Variants in TSPAN13 observed in about 807,000 individuals in gnomAD.
The protein encoded by TSPAN13 is tetraspanin 13, also known as tetraspanin-13.
A neutral mutation model predicts 26.9 loss-of-function variants in TSPAN13; 18 were observed. That is an observed-to-expected ratio of 0.67 (90% CI 0.46 to 0.99). The LOEUF is 0.99. Among genes scored for constraint, TSPAN13 ranks in the 50% least tolerant of loss-of-function variants. The pLI is 0.00. For missense variants in TSPAN13, 201 were observed against 249.6 expected, an observed-to-expected ratio of 0.81 and a Z score of 1.31; for synonymous variants, 116 against 98.4, an observed-to-expected ratio of 1.18 and a Z score of -1.06.
Position 16,759,052 on chromosome 7 carries a change from G to A in TSPAN13, c.63+5022G>A, listed in dbSNP as rs112450440. Among the ~76,000 whole-genome samples the A allele has an allele frequency of 4.1e-3, 627 of 152,248 alleles. 2 individuals are homozygous for A. Among genetic ancestry groups the A allele is most frequent in the Non-Finnish European group, 7.1e-3 (480 of 68,026 alleles). On this transcript the variant is annotated intron_variant, in intron 1 of 5. Transcript: ENST00000262067. ...AGTAAGTAAATTATATATCGTATTA[G>A]AAGGTAAACAAGTTTTATGGAGAAA...
intron 1 of TSPAN13, among the ~76,000 whole-genome samples, chr7:16,756,933 G>A (rs534939850): frequency 1.3e-5 from 2 of 152,084 alleles, no homozygotes; most frequent in African/African-American, 4.8e-5. Flanking sequence ...TTTTATGAAG[G>A]CTCTTTTTTA....
At chr7:16,762,882 A>G (rs1038136509) in intron 1 of TSPAN13, among the ~76,000 whole-genome samples, 2 of 152,128 alleles carry the variant, frequency 1.3e-5, no homozygotes, top group African/African-American at 4.8e-5. Context: ...AAACAGATCT[A>G]TTGAAATATT....
At chr7:16,776,493 T>C in intron 2 of TSPAN13, 115 bp downstream of exon 2, 1 of 977,362 alleles carries the variant, frequency 1.0e-6, no homozygotes, top group Non-Finnish European at 1.5e-6. Context: ...GCAAGCCTTA[T>C]GCATATTTGT....
chr7:16,780,989 A>T (rs948625086), intron 5 of TSPAN13, among the ~76,000 whole-genome samples: 1 of 152,192 alleles, frequency 6.6e-6, no homozygotes, highest in African/African-American at 2.4e-5. Context: ...ATATTCACAG[A>T]ATCACAGATT....
chr7:16,778,858 CTG>C (rs1784783764), intron 4 of TSPAN13, 143 bp from the exon 5 acceptor site: 1 of 584,852 alleles, frequency 1.7e-6, no homozygotes, highest in South Asian at 2.2e-5. Context: ...GTCTTGGGGG[CTG>C]TGTTAGAGAT....
chr7:16,774,271 G>A (rs1784714659), intron 1 of TSPAN13, among the ~76,000 whole-genome samples: 2 of 152,130 alleles, frequency 1.3e-5, no homozygotes, highest in Non-Finnish European at 2.9e-5. Context: ...TCAATAGATA[G>A]ATAGATGTAG....
At chr7:16,769,083 C>T (rs1289695700) in intron 1 of TSPAN13, among the ~76,000 whole-genome samples, 3 of 152,108 alleles carry the variant, frequency 2.0e-5, no homozygotes, top group Non-Finnish European at 4.4e-5. Flanking sequence ...GCCTTGGCTT[C>T]CCAAAGTGCT....
chr7:16,772,970 C>T (rs555176986), intron 1 of TSPAN13, among the ~76,000 whole-genome samples: 26 of 151,128 alleles, frequency 1.7e-4, no homozygotes, highest in South Asian at 1.3e-3. Context: ...CACTCCAGCC[C>T]GGGTGAGAGA....
intron 1 of TSPAN13, among the ~76,000 whole-genome samples, chr7:16,771,948 A>C (rs56029419): frequency 0.032 from 4,817 of 152,226 alleles, 266 homozygotes; most frequent in African/African-American, 0.11. Flanking sequence ...GAAAAGAAAA[A>C]AACCAGAACA....
Position 16,777,884 on chromosome 7 carries a change from T to C in TSPAN13, c.399T>C (p.Ser133=). The C allele has an allele frequency of 6.2e-7, 1 of 1,613,514 alleles. No individual in the cohort carries two copies. Among genetic ancestry groups the C allele is most frequent in the South Asian group, 1.1e-5 (1 of 91,004 alleles). The change falls in exon 4 of 6, where the codon AGT becomes AGC. Residue 133 remains serine (S), a synonymous_variant. Transcript: ENST00000262067. ...ATCTAAACTGCTGTGGGTTCCGAAG[T>C]GTTAACCCAAATGACACCTGTCTGG... The part of the protein sequence containing the change: ...QRNLNCCGFR[S]VNPNDTCLAS...
At chr7:16,768,802 C>G (rs1046003931) in intron 1 of TSPAN13, among the ~76,000 whole-genome samples, 16 of 152,316 alleles carry the variant, frequency 1.1e-4, no homozygotes, top group Middle Eastern at 3.4e-3. Context: ...AAAGACTATG[C>G]TGCTGGCTTA....
chr7:16,776,956 G>A, intron 2 of TSPAN13, 86 bp from the exon 3 acceptor site: 1 of 798,846 alleles, frequency 1.3e-6, no homozygotes, highest in Non-Finnish European at 2.0e-6. Flanking sequence ...TACTTCTTGT[G>A]CATTCTAAAG....
chr7:16,784,295 C>A lies in TSPAN13; in HGVS notation c.*804C>A, dbSNP rs1166033544. Reference sequence around the variant, plus strand: ...ACAAGTTAGTATTAATGCGTTGGCCCACGTAGCAAAAAGATATTTGATTAT... The same window carrying A: ...ACAAGTTAGTATTAATGCGTTGGCCAACGTAGCAAAAAGATATTTGATTAT... On this transcript the variant is annotated 3_prime_UTR_variant, in exon 6 of 6. Transcript: ENST00000262067. The A allele has an allele frequency of 6.6e-6, 1 of 152,042 alleles. No homozygotes were observed. Among genetic ancestry groups the A allele is most frequent in the Non-Finnish European group, 1.5e-5 (1 of 67,978 alleles). The allele number at this position is 152,042 out of a possible 1,614,324, so 9.4% of individuals were successfully genotyped here. A position where few individuals can be genotyped will look rare whatever the true frequency, so the allele number is the denominator to read the frequency against.
intron 1 of TSPAN13, among the ~76,000 whole-genome samples, chr7:16,769,650 T>A (rs1287143604): frequency 6.6e-6 from 1 of 152,200 alleles, no homozygotes; most frequent in East Asian, 1.9e-4. Context: ...CTTTGCTGGT[T>A]CTTACCAATT....
At chr7:16,782,597 G>A (rs12112035) in intron 5 of TSPAN13, among the ~76,000 whole-genome samples, 62,196 of 151,932 alleles carry the variant, frequency 0.41, 14,034 homozygotes, top group Middle Eastern at 0.55. Context: ...ACAATTTAGC[G>A]AACTTGGTGC....
intron 1 of TSPAN13, among the ~76,000 whole-genome samples, chr7:16,767,619 T>G (rs1384589734): frequency 6.6e-6 from 1 of 152,192 alleles, no homozygotes; most frequent in Non-Finnish European, 1.5e-5. Flanking sequence ...CTAGGTGGTG[T>G]TAATTTGTTA....
intron 1 of TSPAN13, among the ~76,000 whole-genome samples, chr7:16,758,751 C>T (rs1245484553): frequency 6.8e-6 from 1 of 146,874 alleles, no homozygotes; most frequent in African/African-American, 2.5e-5. Flanking sequence ...TTGTAATACC[C>T]TTTTTTTTTT....
At chr7:16,762,949 T>A (rs1253978186) in intron 1 of TSPAN13, among the ~76,000 whole-genome samples, 1 of 152,168 alleles carries the variant, frequency 6.6e-6, no homozygotes, top group Admixed American at 6.5e-5. Flanking sequence ...TTTGGGCATA[T>A]GTGTACACCT....
In TSPAN13 at chr7:16,753,852, C is replaced by G. The variant is rs1319871050; in HGVS notation, c.-116C>G. 1.8e-6 allele frequency: 2 copies of G among 1,140,288 alleles called. No homozygotes were observed. The highest frequency in any genetic ancestry group is 2.6e-6 in the Non-Finnish European group (2 of 776,734). The allele number at this position is 1,140,288 out of a possible 1,614,324, so 70.6% of individuals were successfully genotyped here. The stretch of plus-strand genomic sequence containing the variant: ...GCCCCAGGCCCCGGCCCCCCACCCA[C>G]GTCTGCGTTGCTGCCCCGCCTGGGC... On this transcript the variant is annotated 5_prime_UTR_variant, in exon 1 of 6. Transcript: ENST00000262067.
Sources: allele counts gnomAD v4.1 joint callset (sites outside exome capture counted in the v4.1 genomes callset), GRCh38; gene constraint gnomAD v4.1.1; transcripts MANE v1.5; gene names NCBI Gene and HGNC (gene_info 2026-07-23, HGNC 2026-07-21).